The following USP54 variants were observed in gnomAD, a reference collection of about 807,000 sequenced individuals.
The protein encoded by USP54 is ubiquitin carboxyl-terminal hydrolase 54.
In USP54, 87 loss-of-function variants were observed where a neutral mutation model predicts 170.5. The ratio of observed to expected loss-of-function variants is 0.51; its 90% CI spans 0.43 to 0.61. USP54 has a LOEUF of 0.61. Ranked by LOEUF, USP54 falls within the 20% of genes least tolerant of loss-of-function variation. The pLI, the probability that USP54 is intolerant of heterozygous loss-of-function variation, is 0.00. For missense variants in USP54, 1,786 were observed against 2,047.8 expected (o/e 0.87, Z 2.47); for synonymous variants, 655 against 742.8 (o/e 0.88, Z 1.92).
rs1394307424 is a variant in USP54 at position 73,545,586 on chromosome 10, A to C, written c.327T>G (p.Asp109Glu). ...LRSALAKTFQDEQRFQLGIMD... is the reference protein window; with the variant it reads ...LRSALAKTFQEEQRFQLGIMD... ...TAATTCCCAGCTGGAAACGTTGTTC[A>C]TCCTGGAAAGTCTTTGCCAGAGCAC... Residue 109 changes from aspartate to glutamate, a missense_variant, in exon 5 of 24, where the codon GAT becomes GAG. Asp to Glu is a conservative substitution (Grantham distance 45, BLOSUM62 2). Transcript: ENST00000687698. 3 of 1,614,220 alleles carry C rather than the reference A, an allele frequency of 1.9e-6. 1 individual carries two copies. In the South Asian group the frequency reaches 3.3e-5, roughly 18 times the overall value.
Position 73,578,471 on chromosome 10 carries a change from G to A in USP54, c.-581-2110C>T, listed in dbSNP as rs571680829. Among the ~76,000 whole-genome samples the A allele has an allele frequency of 5.9e-5, 9 of 152,244 alleles. No individual in the cohort carries two copies. In the South Asian group the frequency reaches 6.2e-4, roughly 11 times the overall value. On this transcript the variant is annotated intron_variant, in intron 1 of 23. Transcript: ENST00000687698. ...CTGTCACCCAGGCTGGAGTGCAGTC[G>A]CGCAATATTGGCTCACTGCAGCCTC... is the stretch of plus-strand genomic sequence containing the variant.
At chr10:73,536,985 C>G (rs2065352405) in intron 10 of USP54, among the ~76,000 whole-genome samples, 1 of 152,228 alleles carries the variant, frequency 6.6e-6, no homozygotes, top group Admixed American at 6.5e-5. Context: ...AATTGAACCT[C>G]TCGGCCTTAG....
At chr10:73,500,275 T>A (rs1219499717) in intron 23 of USP54, among the ~76,000 whole-genome samples, 2 of 152,174 alleles carry the variant, frequency 1.3e-5, no homozygotes, top group Admixed American at 1.3e-4. Context: ...CAGCTGAGAC[T>A]CAGAGGATAG....
chr10:73,554,308 A>G (rs181424178), intron 4 of USP54, among the ~76,000 whole-genome samples: 16 of 152,274 alleles, frequency 1.1e-4, no homozygotes, highest in Non-Finnish European at 2.1e-4. Context: ...CATTAACTCA[A>G]TTCTTAGGGT....
intron 3 of USP54, 111 bp from the exon 4 acceptor site, chr10:73,571,624 C>A: frequency 4.2e-6 from 3 of 709,738 alleles, no homozygotes; most frequent in Non-Finnish European, 6.7e-6. Context: ...TCTTTATTCC[C>A]AAAAGAAAAC....
chr10:73,575,428 C>T (rs970220617), intron 3 of USP54, 84 bp downstream of exon 3: 11 of 1,398,118 alleles, frequency 7.9e-6, no homozygotes, highest in East Asian at 2.5e-5. Flanking sequence ...GACTATCAAA[C>T]ATTTTATTTA....
At chr10:73,607,533 T>A (rs559372375) in intron 1 of USP54, among the ~76,000 whole-genome samples, 25 of 152,102 alleles carry the variant, frequency 1.6e-4, no homozygotes, top group African/African-American at 5.8e-4. Flanking sequence ...ACTTTAATTT[T>A]AAAAACTAAG....
chr10:73,500,910 CA>C (rs1350148216), intron 22 of USP54, 72 bp from the exon 23 acceptor site: 2 of 1,495,102 alleles, frequency 1.3e-6, no homozygotes, highest in Non-Finnish European at 1.8e-6. Context: ...TGGGTAAACA[CA>C]GTGAGGCAAG....
chr10:73,608,770 G>A (rs576943501), intron 1 of USP54, among the ~76,000 whole-genome samples: 1 of 152,226 alleles, frequency 6.6e-6, no homozygotes, highest in Non-Finnish European at 1.5e-5. Flanking sequence ...GCTAGCGCGT[G>A]TCTGTAGTCC....
intron 1 of USP54, among the ~76,000 whole-genome samples, chr10:73,622,160 G>C (rs977062905): frequency 3.9e-5 from 6 of 152,060 alleles, no homozygotes; most frequent in Non-Finnish European, 8.8e-5. Context: ...AACTTTTTAA[G>C]CCTTGGTTTT....
At chr10:73,603,074 CAGTATTTTT>C (rs2079330007) in intron 1 of USP54, among the ~76,000 whole-genome samples, 4 of 152,124 alleles carry the variant, frequency 2.6e-5, no homozygotes, top group Middle Eastern at 3.4e-3. Flanking sequence ...AGGACCTTTG[CAGTATTTTT>C]ACTTCAGTCA....
intron 1 of USP54, among the ~76,000 whole-genome samples, chr10:73,604,058 G>T (rs2079420294): frequency 6.6e-6 from 1 of 152,010 alleles, no homozygotes; most frequent in Non-Finnish European, 1.5e-5. Context: ...AGACCAGCCT[G>T]GCCAATGTGG....
At chr10:73,613,545 A>C (rs2080340517) in intron 1 of USP54, among the ~76,000 whole-genome samples, 1 of 152,128 alleles carries the variant, frequency 6.6e-6, no homozygotes, top group Admixed American at 6.6e-5. Context: ...GCATATGCCA[A>C]AACAGAGATA....
Position 73,500,683 on chromosome 10 carries a change from G to T in USP54, c.4467C>A (p.Thr1489=). ...QFLSPDVLMP[T]MAGEPNRLPG... ...GGAGTCTATTGGGCTCCCCTGCCAT[G>T]GTGGGCATCAGGACATCTGGGGACA... is the stretch of plus-strand genomic sequence containing the variant. The change falls in exon 23 of 24, where the codon ACC becomes ACA. Residue 1489 remains threonine, a synonymous_variant. Transcript: ENST00000687698. The T allele has an allele frequency of 6.2e-7, 1 of 1,604,372 alleles. No individual in the cohort carries two copies. Among genetic ancestry groups the T allele is most frequent in the Non-Finnish European group, 8.5e-7 (1 of 1,175,874 alleles).
At chr10:73,605,453 G>A (rs1033675773) in intron 1 of USP54, among the ~76,000 whole-genome samples, 3 of 152,058 alleles carry the variant, frequency 2.0e-5, no homozygotes, top group African/African-American at 4.8e-5. Flanking sequence ...CTTGAGCCCA[G>A]AATATCGATA....
chr10:73,600,055 C>T (rs2079047807), intron 1 of USP54, among the ~76,000 whole-genome samples: 1 of 152,018 alleles, frequency 6.6e-6, no homozygotes, highest in African/African-American at 2.4e-5. Context: ...GCATGCACCA[C>T]CACGCTCAGC....
chr10:73,519,623 G>C (rs2061598490), intron 19 of USP54, 174 bp downstream of exon 19: 1 of 957,666 alleles, frequency 1.0e-6, no homozygotes, highest in East Asian at 2.7e-5. Context: ...ATTAAGATAA[G>C]GACCAGCAGT....
chr10:73,509,476 G>A (rs552911124), intron 20 of USP54, among the ~76,000 whole-genome samples: 3 of 151,324 alleles, frequency 2.0e-5, no homozygotes, highest in Admixed American at 1.3e-4. Context: ...TTAGCCAGGC[G>A]TGGTGGCGCG....
intron 3 of USP54, among the ~76,000 whole-genome samples, chr10:73,574,290 A>G (rs1241593047): frequency 6.6e-6 from 1 of 152,114 alleles, no homozygotes; most frequent in Admixed American, 6.5e-5. Context: ...GTATCTGACT[A>G]GACACCAGTT....
Sources: gnomAD v4.1 joint callset for allele counts (sites outside exome capture counted in the v4.1 genomes callset) on GRCh38, gnomAD v4.1.1 for gene constraint, MANE v1.5 for transcripts, NCBI Gene and HGNC (gene_info 2026-07-23, HGNC 2026-07-21) for gene names.